Variants in AKAP13 observed in about 807,000 individuals in gnomAD.
The protein encoded by AKAP13 is A-kinase anchor protein 13.
A neutral mutation model predicts 264.5 loss-of-function variants in AKAP13; 80 were observed. The observed-to-expected ratio is 0.30, with a 90% CI of 0.25 to 0.36. The LOEUF (loss-of-function observed/expected upper bound fraction) is 0.36. Ranked by LOEUF, AKAP13 falls within the 10% of genes least tolerant of loss-of-function variation. The pLI, the probability that AKAP13 is intolerant of heterozygous loss-of-function variation, is 1.00. For synonymous variants in AKAP13, 1,380 were observed against 1,250.2 expected, an observed-to-expected ratio of 1.10 and a Z score of -2.19; for missense variants, 3,712 against 3,435.2, an observed-to-expected ratio of 1.08 and a Z score of -2.01.
At chr15:85,387,303 T>C (rs2070619591) in intron 1 of AKAP13, among the ~76,000 whole-genome samples, 1 of 151,920 alleles carries the variant, frequency 6.6e-6, no homozygotes, top group African/African-American at 2.4e-5. Context: ...GCCACTTTAC[T>C]CCAGCCTGGG....
intron 5 of AKAP13, among the ~76,000 whole-genome samples, chr15:85,565,208 C>T (rs562393916): frequency 3.3e-5 from 5 of 151,562 alleles, no homozygotes; most frequent in African/African-American, 7.3e-5. Context: ...AGTACCATTT[C>T]GTTTATTCAG....
intron 8 of AKAP13, among the ~76,000 whole-genome samples, chr15:85,623,340 G>A (rs551139381): frequency 1.3e-5 from 2 of 152,296 alleles, no homozygotes; most frequent in South Asian, 4.1e-4. Flanking sequence ...AACAGATGAG[G>A]TGAAATATGG....
At chr15:85,521,093 T>G (rs770590786) in intron 2 of AKAP13, among the ~76,000 whole-genome samples, 7 of 152,236 alleles carry the variant, frequency 4.6e-5, no homozygotes, top group Non-Finnish European at 1.0e-4. Flanking sequence ...TGGATTTTCT[T>G]CTATGTCTCC....
At chr15:85,446,839 A>G (rs1055228199) in intron 1 of AKAP13, among the ~76,000 whole-genome samples, 1 of 151,744 alleles carries the variant, frequency 6.6e-6, no homozygotes, top group Non-Finnish European at 1.5e-5. Context: ...GTTAAACATT[A>G]TATAAATAAA....
rs758787603 is a variant in AKAP13 at position 85,727,029 on chromosome 15, A to G, written c.6823-37A>G. 1.9e-6 allele frequency: 3 copies of G among 1,609,814 alleles called. No individual in the cohort carries two copies. The highest frequency in any genetic ancestry group is 2.2e-5 in the South Asian group (2 of 90,852). On this transcript the variant is annotated intron_variant, in intron 27 of 36. Transcript: ENST00000394518. This position sits in a 1 kb window ranked among gnomAD's most constrained non-coding sequence, Gnocchi z 5.3. ...CTGTCCTTCAGAGTTAGAATATTGT[A>G]TATGTATCTTTTATTTGCCCTCTTC...
At chr15:85,629,452 G>A (rs2081584687) in intron 8 of AKAP13, among the ~76,000 whole-genome samples, 1 of 152,082 alleles carries the variant, frequency 6.6e-6, no homozygotes, top group South Asian at 2.1e-4. Flanking sequence ...GAATCACTGA[G>A]GATAATGAAT....
At chr15:85,682,868 T>C (rs2084673531) in intron 15 of AKAP13, among the ~76,000 whole-genome samples, 1 of 152,152 alleles carries the variant, frequency 6.6e-6, no homozygotes, top group Non-Finnish European at 1.5e-5. Context: ...GGTTTCTCCA[T>C]GTTGGTCAGG....
chr15:85,533,716 C>T lies in AKAP13; in HGVS notation c.314C>T (p.Thr105Ile), dbSNP rs145701379. Residue 105 changes from threonine to isoleucine, a missense_variant, in exon 4 of 37, where the codon ACC (threonine) becomes ATC (isoleucine). By Grantham distance (89) the Thr-to-Ile change is moderately conservative. Around this residue, in one of 3 missense-constraint regions of AKAP13, gnomAD observed 2,759 missense variants for 2,411.7 expected, o/e 1.14. Transcript: ENST00000394518. ...TATGATGCAGCTCAATTCCTAGCAACCAGTGCTGGAAATCAGCAGGCTTTG... is the reference window on the plus strand; with the variant it reads ...TATGATGCAGCTCAATTCCTAGCAATCAGTGCTGGAAATCAGCAGGCTTTG... The part of the protein sequence containing the change: ...EAYDAAQFLA[T>I]SAGNQQALNF... 12 of 1,614,046 alleles carry T rather than the reference C, an allele frequency of 7.4e-6. No individual in the cohort carries two copies. The African/African-American group carries it at 1.3e-4, about 18-fold the overall frequency.
intron 14 of AKAP13, among the ~76,000 whole-genome samples, chr15:85,681,382 C>T (rs907879786): frequency 6.6e-6 from 1 of 152,168 alleles, no homozygotes; most frequent in Non-Finnish European, 1.5e-5. Context: ...GTAACTCAAT[C>T]TTTATTAACA....
chr15:85,588,726 T>C (rs2079460197), intron 8 of AKAP13, among the ~76,000 whole-genome samples: 1 of 152,204 alleles, frequency 6.6e-6, no homozygotes, highest in Admixed American at 6.5e-5. Flanking sequence ...CATACCTCAA[T>C]TTACAGATAA....
chr15:85,584,121 A>G (rs764881781), intron 7 of AKAP13, among the ~76,000 whole-genome samples: 51 of 152,238 alleles, frequency 3.4e-4, no homozygotes, highest in Admixed American at 5.9e-4. Context: ...GGTATTTTCT[A>G]TCAAGTTTAC....
At chr15:85,649,340 T>C (rs2082698759) in intron 10 of AKAP13, among the ~76,000 whole-genome samples, 1 of 152,216 alleles carries the variant, frequency 6.6e-6, no homozygotes, top group Admixed American at 6.5e-5. Flanking sequence ...AAACCTGCTC[T>C]AATAGCCAGT....
At chr15:85,423,969 A>G (rs1220619827) in intron 1 of AKAP13, among the ~76,000 whole-genome samples, 2 of 152,188 alleles carry the variant, frequency 1.3e-5, no homozygotes, top group African/African-American at 4.8e-5. Flanking sequence ...TCTGGGCAGT[A>G]GGTCACAACA....
chr15:85,568,731 T>G (rs1221126631), intron 5 of AKAP13, among the ~76,000 whole-genome samples: 1 of 152,058 alleles, frequency 6.6e-6, no homozygotes, highest in African/African-American at 2.4e-5. Context: ...AAGATTATGA[T>G]GAAGAGAGAA....
At chr15:85,655,389 A>T (rs1361888236) in intron 10 of AKAP13, 28 bp from the exon 11 acceptor site, 6 of 1,598,568 alleles carry the variant, frequency 3.8e-6, no homozygotes, top group Non-Finnish European at 5.1e-6. Context: ...TGCTGGCTTC[A>T]ACCATATGTG....
At chr15:85,407,886 A>G (rs1009333156) in intron 1 of AKAP13, among the ~76,000 whole-genome samples, 1 of 151,692 alleles carries the variant, frequency 6.6e-6, no homozygotes, top group Admixed American at 6.5e-5. Flanking sequence ...CTCTCAGACA[A>G]GTTAGAGGAG....
chr15:85,445,294 G>C (rs142744999), intron 1 of AKAP13, among the ~76,000 whole-genome samples: 30 of 152,236 alleles, frequency 2.0e-4, no homozygotes, highest in African/African-American at 7.0e-4. Flanking sequence ...CACTGAAAGG[G>C]GCTTCATCTC....
chr15:85,674,085 C>G (rs2084081737), intron 14 of AKAP13, among the ~76,000 whole-genome samples: 1 of 151,798 alleles, frequency 6.6e-6, no homozygotes, highest in African/African-American at 2.4e-5. Context: ...GATTGCATCC[C>G]TGGAAACACA....
chr15:85,738,173 G>C (rs1191952267), intron 33 of AKAP13, among the ~76,000 whole-genome samples: 1 of 151,996 alleles, frequency 6.6e-6, no homozygotes, highest in African/African-American at 2.4e-5. Context: ...CGAGGTGGGT[G>C]GATCACTTGA....
Sources: gnomAD v4.1 joint callset for allele counts (sites outside exome capture counted in the v4.1 genomes callset) on GRCh38, gnomAD v4.1.1 for gene constraint, gnomAD v4.1.1 regional missense constraint, Gnocchi (gnomAD v3.1) non-coding constraint, MANE v1.5 for transcripts, NCBI Gene and HGNC (gene_info 2026-07-23, HGNC 2026-07-21) for gene names.